CEP131: variants seen among roughly 807,000 people sequenced by gnomAD.
CEP131 encodes centrosomal protein of 131 kDa.
Under a neutral mutation model 136.8 loss-of-function variants are expected in CEP131, and 99 were observed. The observed-to-expected ratio is 0.72, with a 90% CI of 0.62 to 0.86. The LOEUF is 0.86. Among genes scored for constraint, CEP131 ranks in the 40% least tolerant of loss-of-function variants. The pLI is 0.00. For synonymous variants in CEP131, 646 were observed against 612.7 expected (o/e 1.05, Z -0.80); for missense variants, 1,459 against 1,463.0 (o/e 1.00, Z 0.04).
rs553790415 is a variant in CEP131, at chr17:81,197,790, C to T, written c.1569G>A (p.Glu523=). ...AGCTCATGATGCTTTGTAGCTTGGC[C>T]TCCGATAGCAGCGTCCCATCCTCAG... ...EPPEDGTLLS[E]AKLQSIMSFL... The change falls in exon 13 of 26, where the codon GAG becomes GAA. Residue 523 remains glutamate, a synonymous_variant. Coordinates refer to ENST00000450824, the MANE Select transcript of CEP131 (RefSeq NM_014984.4). 3 of 1,613,308 alleles carry T rather than the reference C, an allele frequency of 1.9e-6. No homozygotes were observed. Among genetic ancestry groups the T allele is most frequent in the African/African-American group, 2.7e-5 (2 of 75,066 alleles).
chr17:81,216,775 T>C (rs2062255833), intron 2 of CEP131, among the ~76,000 whole-genome samples: 1 of 152,228 alleles, frequency 6.6e-6, no homozygotes, highest in Admixed American at 6.5e-5. Context: ...GTAGGAATTT[T>C]GAAATCATCC....
In CEP131 at chr17:81,197,038, C is replaced by T. The variant is rs747250868; in HGVS notation, c.1665G>A (p.Ala555=). Residue 555 remains alanine, a synonymous_variant, in exon 14 of 26, where the codon GCG becomes GCA. Transcript: ENST00000450824. ...ACCCCAGCTCCAGGGGCCCCGGCCC[C>T]GCCTCCGGCACCCACCCCTGCAGAC... ...DSQQEGWVPE[A]GPGPLELGSE... 81 of 1,588,006 alleles carry T rather than the reference C, an allele frequency of 5.1e-5. No homozygotes were observed. The South Asian group carries it at 7.2e-4, about 14-fold the overall frequency.
At chr17:81,216,770 A>C (rs929282845) in intron 2 of CEP131, among the ~76,000 whole-genome samples, 1 of 152,198 alleles carries the variant, frequency 6.6e-6, no homozygotes, top group African/African-American at 2.4e-5. Context: ...ACATGGTAGG[A>C]ATTTTGAAAT....
Position 81,191,293 on chromosome 17 carries a change from T to G in CEP131, c.2665A>C (p.Ile889Leu), listed in dbSNP as rs199914035. 3.1e-6 allele frequency: 5 copies of G among 1,613,408 alleles called. No individual in the cohort carries two copies. Among genetic ancestry groups the G allele is most frequent in the Non-Finnish European group, 3.4e-6 (4 of 1,179,938 alleles). ...ATCTCCTTGTCCCGGCCTTTCCGGA[T>G]TTCTTCCCTCAGCTCCTGTTCCCGG... ...LNREQELREE[I>L]RKGRDKEIEL... is the part of the protein sequence containing the mutation. Residue 889 changes from isoleucine (I) to leucine (L), a missense_variant, in exon 22 of 26, where the codon ATC becomes CTC. Around this residue, in one of 3 missense-constraint regions of CEP131, gnomAD observed 1,026 missense variants for 964.2 expected, o/e 1.06. Coordinates refer to ENST00000450824, the MANE Select transcript of CEP131 (RefSeq NM_014984.4).
chr17:81,196,227 G>A (rs1410661591), intron 15 of CEP131, among the ~76,000 whole-genome samples: 7 of 152,204 alleles, frequency 4.6e-5, no homozygotes, highest in African/African-American at 4.8e-5. Context: ...GGGTCTTCCT[G>A]GGATGAGGGT....
At chr17:81,200,272 G>A in intron 8 of CEP131, 57 bp downstream of exon 8, 1 of 1,371,810 alleles carries the variant, frequency 7.3e-7, no homozygotes, top group East Asian at 2.4e-5. Flanking sequence ...CAAACCCCTG[G>A]GATTCTGGGC....
chr17:81,221,085 A>G (rs2062376506), intron 1 of CEP131, among the ~76,000 whole-genome samples: 1 of 140,606 alleles, frequency 7.1e-6, no homozygotes, highest in East Asian at 2.3e-4. Flanking sequence ...AGATCGTGAC[A>G]CTGCACTCCA....
intron 3 of CEP131, among the ~76,000 whole-genome samples, chr17:81,207,509 C>CT (rs377182496): frequency 0.025 from 3,460 of 141,030 alleles, 121 homozygotes; most frequent in African/African-American, 0.08. Context: ...TTTTTCTTTT[C>CT]TTTTTTTTTT....
chr17:81,211,956 A>G (rs1048027985), intron 2 of CEP131, among the ~76,000 whole-genome samples: 1 of 151,680 alleles, frequency 6.6e-6, no homozygotes, highest in African/African-American at 2.4e-5. Context: ...AAAAGAAAAA[A>G]TAGAAAAATC....
Position 81,197,793 on chromosome 17 carries a change from C to G in CEP131, c.1566G>C (p.Ser522=). The change falls in exon 13 of 26, where the codon TCG becomes TCC. Residue 522 remains serine (S), a synonymous_variant. Coordinates refer to ENST00000450824, the MANE Select transcript of CEP131 (RefSeq NM_014984.4). ...TCATGATGCTTTGTAGCTTGGCCTC[C>G]GATAGCAGCGTCCCATCCTCAGGAG... ...PEPPEDGTLL[S]EAKLQSIMSF... The G allele has an allele frequency of 1.2e-6, 2 of 1,613,274 alleles. No homozygotes were observed. The highest frequency in any genetic ancestry group is 1.7e-6 in the Non-Finnish European group (2 of 1,179,948).
Position 81,207,216 on chromosome 17 carries a change from AG to A in CEP131, c.295del (p.Leu99Ter). 1 of 1,613,568 alleles carries A rather than the reference AG, an allele frequency of 6.2e-7. No individual in the cohort carries two copies. The highest frequency in any genetic ancestry group is 2.2e-5 in the East Asian group (1 of 44,868). On this transcript the variant is annotated frameshift_variant, in exon 4 of 26. Coordinates refer to ENST00000450824, the MANE Select transcript of CEP131 (RefSeq NM_014984.4). LOFTEE classifies it high-confidence loss of function. ...SPRPTEPTDF[L>X]MLFEGSPSGK... ...ACTGGGGCTGCCCTCGAAGAGCATC[AG>A]GAAGTCTGTGGGCTCCGTTGGCCTG...
intron 8 of CEP131, chr17:81,200,039 C>G: frequency 1.6e-6 from 1 of 619,752 alleles, no homozygotes; most frequent in South Asian, 1.9e-5. Context: ...AGGTGGCCAA[C>G]AGTTCTGGCG....
chr17:81,199,424 T>A lies in CEP131; in HGVS notation c.1149A>T (p.Thr383=), dbSNP rs2725419. 2 of 1,607,228 alleles carry A rather than the reference T, an allele frequency of 1.2e-6. No homozygotes were observed. Among genetic ancestry groups the A allele is most frequent in the Non-Finnish European group, 1.7e-6 (2 of 1,178,044 alleles). Reference sequence around the variant, plus strand: ...GGGCCTGGTGGGCAGTGCCGCCTGGTGTGGGGGACAGCTCCTGAGCAGGCT... The same window carrying A: ...GGGCCTGGTGGGCAGTGCCGCCTGGAGTGGGGGACAGCTCCTGAGCAGGCT... ...MRQPAQELSP[T]PGGTAHQALK... is the part of the protein sequence containing the mutation. Residue 383 remains threonine (T), a synonymous_variant, in exon 10 of 26, where the codon ACA becomes ACT. Transcript: ENST00000450824.
In CEP131 at chr17:81,191,257, T is replaced by C; in HGVS notation, c.2701A>G (p.Ile901Val). Reference sequence around the variant, plus strand: ...GCCATGTCGGCCTCCAGCCGGTGAATGACCAGCTCAATCTCCTTGTCCCGG... The same window carrying C: ...GCCATGTCGGCCTCCAGCCGGTGAACGACCAGCTCAATCTCCTTGTCCCGG... ...KGRDKEIELV[I>V]HRLEADMALA... Residue 901 changes from isoleucine (I) to valine (V), a missense_variant, in exon 22 of 26, where the codon ATT (isoleucine) becomes GTT (valine). Physicochemically the swap from Ile to Val is conservative, Grantham distance 29. Transcript: ENST00000450824. 1.2e-6 allele frequency: 2 copies of C among 1,613,522 alleles called. No homozygotes were observed. The highest frequency in any genetic ancestry group is 1.7e-6 in the Non-Finnish European group (2 of 1,179,964).
chr17:81,199,358 G>A, intron 10 of CEP131, 23 bp downstream of exon 10: 1 of 1,582,374 alleles, frequency 6.3e-7, no homozygotes, highest in South Asian at 1.1e-5. Flanking sequence ...CCCAGAGCAG[G>A]GCGGGCGTGG....
chr17:81,197,219 C>T (rs1470217332), intron 13 of CEP131, among the ~76,000 whole-genome samples, 164 bp from the exon 14 acceptor site: 1 of 152,178 alleles, frequency 6.6e-6, no homozygotes, highest in Non-Finnish European at 1.5e-5. Flanking sequence ...CAGCAGAGGT[C>T]GTTTTCATTG....
Position 81,208,801 on chromosome 17 carries a change from G to C in CEP131, c.272+127C>G, listed in dbSNP as rs2062070375. ...CGTGAGGTCACTCCAGGCCTCACTA[G>C]CCAGCAAGGGCCCGGGACCCAGGAG... is the stretch of plus-strand genomic sequence containing the variant. On this transcript the variant is annotated intron_variant, in intron 3 of 25. Coordinates refer to ENST00000450824, the MANE Select transcript of CEP131 (RefSeq NM_014984.4). This position sits in a 1 kb window ranked among gnomAD's most constrained non-coding sequence, Gnocchi z 5.6. 5.5e-6 allele frequency: 4 copies of C among 723,062 alleles called. No homozygotes were observed. Among genetic ancestry groups the C allele is most frequent in the Non-Finnish European group, 9.1e-6 (4 of 437,952 alleles). The allele number at this position is 723,062 out of a possible 1,614,324, so 44.8% of individuals were successfully genotyped here. A position where few individuals can be genotyped will look rare whatever the true frequency, so the allele number is the denominator to read the frequency against.
At chr17:81,206,290 T>C (rs1468031616) in intron 5 of CEP131, among the ~76,000 whole-genome samples, 1 of 151,918 alleles carries the variant, frequency 6.6e-6, no homozygotes, top group African/African-American at 2.4e-5. Flanking sequence ...GACTATTCCC[T>C]TGGCAAAGGC....
Position 81,198,032 on chromosome 17 carries a change from T to C in CEP131, c.1470+83A>G, listed in dbSNP as rs1342254265. 8 of 1,482,016 alleles carry C rather than the reference T, an allele frequency of 5.4e-6. No individual in the cohort carries two copies. In the African/African-American group the frequency reaches 9.7e-5, roughly 18 times the overall value. The allele number at this position is 1,482,016 out of a possible 1,614,324, so 91.8% of individuals were successfully genotyped here. On this transcript the variant is annotated intron_variant, in intron 12 of 25. Coordinates refer to ENST00000450824, the MANE Select transcript of CEP131 (RefSeq NM_014984.4). ...GGAGGAGCCTGTGGCATCCCCATTT[T>C]CCCAACCCCCACAGCCACCGCATGC...
Sources: allele counts gnomAD v4.1 joint callset (sites outside exome capture counted in the v4.1 genomes callset), GRCh38; gene constraint gnomAD v4.1.1; regional missense constraint gnomAD v4.1.1; non-coding constraint Gnocchi (gnomAD v3.1); transcripts MANE v1.5; gene names NCBI Gene and HGNC (gene_info 2026-07-23, HGNC 2026-07-21).